TRAK1: variants seen among roughly 807,000 people sequenced by gnomAD.
The protein encoded by TRAK1 is trafficking kinesin-binding protein 1.
TRAK1 carries 33 observed loss-of-function variants against 92.1 expected under a neutral mutation model. The ratio of observed to expected loss-of-function variants is 0.36; its 90% CI spans 0.27 to 0.48. The LOEUF (loss-of-function observed/expected upper bound fraction) is 0.48, where lower values mean the gene tolerates loss of function less well. Ranked by LOEUF, TRAK1 falls within the 20% of genes least tolerant of loss-of-function variation. TRAK1 has a pLI of 0.99. For missense variants in TRAK1, 1,123 were observed against 1,257.9 expected, an observed-to-expected ratio of 0.89 and a Z score of 1.62; for synonymous variants, 521 against 517.3, an observed-to-expected ratio of 1.01 and a Z score of -0.10.
chr3:42,146,040 A>G (rs2149241444), intron 2 of TRAK1: 4 of 418,116 alleles, frequency 9.6e-6, no homozygotes, highest in South Asian at 7.9e-5. Context: ...GGCTTCAGGA[A>G]CTTTGCTAAT....
At chr3:42,142,735 T>C (rs1228473125) in intron 2 of TRAK1, among the ~76,000 whole-genome samples, 1 of 152,262 alleles carries the variant, frequency 6.6e-6, no homozygotes, top group East Asian at 1.9e-4. Context: ...CCTTTATATA[T>C]CAGTTGCCCT....
In TRAK1 at chr3:42,105,671, G is replaced by C. The variant is rs113175979; in HGVS notation, c.91+14111G>C. ...TCAAATTCAGGAAATACAGAGAACG[G>C]CACAAAGATACTCCTCAAGAAGAAC... On this transcript the variant is annotated intron_variant, in intron 1 of 15. Transcript: ENST00000327628. Among the ~76,000 whole-genome samples, 1,132 of 152,156 alleles carry C rather than the reference G, an allele frequency of 7.4e-3. 16 individuals carry two copies. Among genetic ancestry groups the C allele is most frequent in the African/African-American group, 0.025 (1,035 of 41,514 alleles).
chr3:42,082,949 C>G (rs1436456191), upstream of TRAK1, among the ~76,000 whole-genome samples: 1 of 152,142 alleles, frequency 6.6e-6, no homozygotes, highest in Non-Finnish European at 1.5e-5. Context: ...GCTTGGTTGA[C>G]TTGTTGATAG....
intron 1 of TRAK1, among the ~76,000 whole-genome samples, chr3:42,117,090 G>A (rs142518656): frequency 6.6e-5 from 10 of 152,270 alleles, no homozygotes; most frequent in African/African-American, 2.4e-4. Context: ...GGGCGTCACC[G>A]GGAAGTGCTG....
intron 1 of TRAK1, among the ~76,000 whole-genome samples, chr3:42,054,250 A>G (rs796577503): frequency 1.6e-4 from 25 of 152,324 alleles, no homozygotes; most frequent in African/African-American, 6.0e-4. Flanking sequence ...ATACTTTTGA[A>G]GTGAGTGACC....
Position 42,223,367 on chromosome 3 carries a change from A to G in TRAK1, c.2492A>G (p.Glu831Gly). ...EVREKNVRSS[E>G]SQTDVSVSNL... ...AGAGAAAAGAACGTCCGCAGCAGCG[A>G]GAGCCAGACCGACGTGTCCGTCTCC... is the stretch of plus-strand genomic sequence containing the variant. Residue 831 changes from glutamate (E) to glycine (G), a missense_variant, in exon 16 of 16, where the codon GAG becomes GGG. By Grantham distance (98) the Glu-to-Gly change is moderately conservative. This residue lies in a region of TRAK1 where 401 missense variants were observed against 438.9 expected (regional missense o/e 0.91). Coordinates refer to ENST00000327628, the MANE Select transcript of TRAK1 (RefSeq NM_001042646.3). The surrounding 1 kb of genome is among the most constrained non-coding windows in gnomAD (Gnocchi z 6.1). The G allele has an allele frequency of 6.2e-7, 1 of 1,614,240 alleles. No homozygotes were observed. Among genetic ancestry groups the G allele is most frequent in the South Asian group, 1.1e-5 (1 of 91,090 alleles).
At chr3:42,133,269 AC>A (rs1226155627) in intron 2 of TRAK1, among the ~76,000 whole-genome samples, 1 of 151,864 alleles carries the variant, frequency 6.6e-6, no homozygotes, top group East Asian at 1.9e-4. Flanking sequence ...CCCTCTCCTT[AC>A]CCTATAGCAG....
At position 42,223,900 on chromosome 3, in the gene TRAK1, A is replaced by G; in HGVS notation, c.*163A>G. On this transcript the variant is annotated 3_prime_UTR_variant, in exon 16 of 16. Transcript: ENST00000327628. This position sits in a 1 kb window ranked among gnomAD's most constrained non-coding sequence, Gnocchi z 6.1. ...CTCGTGCCTAATGGAGGAAGTGTGG[A>G]AACTTTGTAAAATGTGTACATAGGA... 2 of 811,114 alleles carry G rather than the reference A, an allele frequency of 2.5e-6. No individual in the cohort carries two copies. Among genetic ancestry groups the G allele is most frequent in the Non-Finnish European group, 3.9e-6 (2 of 514,130 alleles). 50.2% of individuals were successfully genotyped at this position (811,114 alleles called of 1,614,324 possible). A position where few individuals can be genotyped will look rare whatever the true frequency, so the allele number is the denominator to read the frequency against.
At chr3:42,160,094 C>CA in intron 2 of TRAK1, 1 of 1,015,658 alleles carries the variant, frequency 9.8e-7, no homozygotes, top group Non-Finnish European at 1.3e-6. Flanking sequence ...AGGGCATTCC[C>CA]ACCCCGCCAA....
chr3:42,116,472 A>G (rs1256307906), intron 1 of TRAK1, among the ~76,000 whole-genome samples: 1 of 152,238 alleles, frequency 6.6e-6, no homozygotes, highest in Non-Finnish European at 1.5e-5. Flanking sequence ...TACCACTTAC[A>G]AAGTATCACA....
At chr3:42,173,245 T>G (rs915057050) in intron 2 of TRAK1, among the ~76,000 whole-genome samples, 3 of 152,220 alleles carry the variant, frequency 2.0e-5, no homozygotes, top group Admixed American at 2.0e-4. Context: ...GTGGATTTAT[T>G]TGGTAGCACT....
chr3:42,210,223 CTCTG>C lies in TRAK1; in HGVS notation c.1963+244_1963+247del, dbSNP rs754829623. The C allele has an allele frequency of 6.5e-6, 10 of 1,539,224 alleles. No homozygotes were observed. The Admixed American group carries it at 1.2e-4, about 19-fold the overall frequency. ...GTTCCAGGCACCATCCGTAGTGGTT[CTCTG>C]TCTGTAGCTTCCGCTCGTCTGTGTG... On this transcript the variant is annotated intron_variant, in intron 14 of 15. Coordinates refer to ENST00000327628, the MANE Select transcript of TRAK1 (RefSeq NM_001042646.3).
intron 15 of TRAK1, 27 bp downstream of exon 15, chr3:42,219,623 C>A: frequency 2.1e-6 from 3 of 1,413,196 alleles, no homozygotes; most frequent in South Asian, 1.1e-5. Context: ...TTGGGGTGGG[C>A]AGGGGTGGGG....
chr3:42,058,118 T>C (rs9826942), intron 1 of TRAK1, among the ~76,000 whole-genome samples: 8,510 of 152,220 alleles, frequency 0.056, 777 homozygotes, highest in African/African-American at 0.19. Context: ...GGGCATTTCA[T>C]TGGGAAGTGA....
At chr3:42,017,548 T>G (rs1347339145) in intron 1 of TRAK1, among the ~76,000 whole-genome samples, 1 of 152,202 alleles carries the variant, frequency 6.6e-6, no homozygotes, top group East Asian at 1.9e-4. Flanking sequence ...TCTTCTTAGA[T>G]GTATCTAAGT....
chr3:42,153,412 AAAAG>A (rs1441454018), intron 2 of TRAK1, among the ~76,000 whole-genome samples: 3 of 152,132 alleles, frequency 2.0e-5, no homozygotes, highest in Admixed American at 1.3e-4. Flanking sequence ...AAATAAAAAA[AAAAG>A]GAATGGTATT....
At chr3:42,154,181 C>A (rs1392584035) in intron 2 of TRAK1, among the ~76,000 whole-genome samples, 2 of 151,240 alleles carry the variant, frequency 1.3e-5, no homozygotes, top group African/African-American at 2.4e-5. Context: ...TTATTTATTT[C>A]TTTTTTTTTG....
At chr3:42,098,477 G>T (rs1490390530) in intron 1 of TRAK1, among the ~76,000 whole-genome samples, 2 of 152,132 alleles carry the variant, frequency 1.3e-5, no homozygotes, top group Non-Finnish European at 2.9e-5. Flanking sequence ...GGAGTTAAAT[G>T]GGAAGGAAGA....
At chr3:42,080,036 G>T (rs762831864) in intron 1 of TRAK1, among the ~76,000 whole-genome samples, 1 of 152,130 alleles carries the variant, frequency 6.6e-6, no homozygotes, top group Non-Finnish European at 1.5e-5. Flanking sequence ...AAGGTTGCTC[G>T]ATCCCTTCCT....
Sources: gnomAD v4.1 joint callset for allele counts (sites outside exome capture counted in the v4.1 genomes callset) on GRCh38, gnomAD v4.1.1 for gene constraint, gnomAD v4.1.1 regional missense constraint, Gnocchi (gnomAD v3.1) non-coding constraint, MANE v1.5 for transcripts, NCBI Gene and HGNC (gene_info 2026-07-23, HGNC 2026-07-21) for gene names.